Variants in RBFOX1 observed in about 807,000 individuals in gnomAD.
RBFOX1 encodes the protein RNA binding protein fox-1 homolog 1.
A neutral mutation model predicts 57.7 loss-of-function variants in RBFOX1; 8 were observed. The observed-to-expected ratio is 0.14, with a 90% CI of 0.08 to 0.25. The LOEUF (loss-of-function observed/expected upper bound fraction) is 0.25. RBFOX1 is among the 10% of genes least tolerant of loss of function. RBFOX1 has a pLI of 1.00. For missense variants in RBFOX1, 611 were observed against 548.5 expected, an observed-to-expected ratio of 1.11 and a Z score of -1.14; for synonymous variants, 326 against 222.4, an observed-to-expected ratio of 1.47 and a Z score of -4.15.
chr16:6,942,562 A>G (rs145957633), intron 3 of RBFOX1, among the ~76,000 whole-genome samples: 2,953 of 152,198 alleles, frequency 0.019, 68 homozygotes, highest in Non-Finnish European at 0.022. Flanking sequence ...CATCAAGAAG[A>G]CAAGAGTAGA....
intron 1 of RBFOX1, among the ~76,000 whole-genome samples, chr16:6,184,404 G>C (rs1259304363): frequency 2.6e-5 from 4 of 152,160 alleles, no homozygotes; most frequent in African/African-American, 9.7e-5. Flanking sequence ...ATGGGGGTGA[G>C]AAGTCGTGGT....
At chr16:7,002,995 T>G (rs1283772365) in intron 3 of RBFOX1, among the ~76,000 whole-genome samples, 1 of 151,532 alleles carries the variant, frequency 6.6e-6, no homozygotes. Flanking sequence ...TTCTCCAAAC[T>G]ATGAGTGGAT....
intron 14 of RBFOX1, among the ~76,000 whole-genome samples, chr16:7,698,436 G>A (rs927679213): frequency 6.6e-6 from 1 of 151,912 alleles, no homozygotes; most frequent in African/African-American, 2.4e-5. Flanking sequence ...TTCTCTGTGG[G>A]GCAGGTTGCT....
At chr16:7,269,097 C>G (rs567975143) in intron 4 of RBFOX1, among the ~76,000 whole-genome samples, 52 of 149,092 alleles carry the variant, frequency 3.5e-4, no homozygotes, top group Middle Eastern at 3.5e-3. Flanking sequence ...CACATTAACC[C>G]TCACAGCCCA....
chr16:7,267,372 T>TA (rs1407855040), intron 4 of RBFOX1, among the ~76,000 whole-genome samples: 1 of 151,176 alleles, frequency 6.6e-6, no homozygotes, highest in Admixed American at 6.6e-5. Context: ...CCGTCTCTAC[T>TA]AAAAATATAA....
intron 2 of RBFOX1, among the ~76,000 whole-genome samples, chr16:6,601,307 C>A (rs1169518664): frequency 6.6e-6 from 1 of 152,122 alleles, no homozygotes; most frequent in African/African-American, 2.4e-5. Flanking sequence ...AAGCTTCTTA[C>A]ACTCTCCCCT....
chr16:7,154,334 C>T (rs756139948), intron 4 of RBFOX1, among the ~76,000 whole-genome samples: 2 of 152,192 alleles, frequency 1.3e-5, no homozygotes, highest in African/African-American at 4.8e-5. Context: ...AATCACTCAT[C>T]CATCTCTGCC....
chr16:5,828,974 C>A (rs971564487), intron 3 of RBFOX1, among the ~76,000 whole-genome samples: 1 of 152,118 alleles, frequency 6.6e-6, no homozygotes. Context: ...CTCCGGGTCT[C>A]CCACAGGCTG....
At position 5,892,118 on chromosome 16, in the gene RBFOX1, G is replaced by C. The variant is rs111986392; in HGVS notation, c.351+24783G>C. Among the ~76,000 whole-genome samples the C allele has an allele frequency of 3.7e-4, 57 of 152,270 alleles. 1 individual carries two copies. Among genetic ancestry groups the C allele is most frequent in the Middle Eastern group, 3.4e-3 (1 of 294 alleles). ...TACGGCACTTATATTCTAGCAGGATGGATTACACAGGATGTTGAAAGTTAA... is the reference window on the plus strand; with the variant it reads ...TACGGCACTTATATTCTAGCAGGATCGATTACACAGGATGTTGAAAGTTAA... On this transcript the variant is annotated intron_variant, in intron 4 of 19. Transcript: ENST00000641259.
chr16:5,804,533 G>A (rs544458193), intron 3 of RBFOX1, among the ~76,000 whole-genome samples: 4 of 152,170 alleles, frequency 2.6e-5, no homozygotes, highest in African/African-American at 4.8e-5. Context: ...CAAATGAAAC[G>A]TTGAGTGCTG....
chr16:6,029,717 G>A (rs1339220116), intron 1 of RBFOX1, among the ~76,000 whole-genome samples: 2 of 147,848 alleles, frequency 1.4e-5, no homozygotes, highest in Non-Finnish European at 3.0e-5. Context: ...AGTTTGCAGT[G>A]AGCCGAGATC....
intron 5 of RBFOX1, among the ~76,000 whole-genome samples, chr16:7,568,031 C>T (rs1361239020): frequency 6.6e-6 from 1 of 151,882 alleles, no homozygotes; most frequent in Non-Finnish European, 1.5e-5. Context: ...ACTTAGTTGA[C>T]TCAATAATAT....
At chr16:6,686,517 TTCCA>T (rs766445831) in intron 3 of RBFOX1, among the ~76,000 whole-genome samples, 1 of 152,206 alleles carries the variant, frequency 6.6e-6, no homozygotes, top group Non-Finnish European at 1.5e-5. Context: ...ATTGGTGTTC[TTCCA>T]TCCATGAAAT....
intron 2 of RBFOX1, among the ~76,000 whole-genome samples, chr16:6,503,014 G>A (rs565739709): frequency 3.3e-5 from 5 of 152,142 alleles, no homozygotes. Context: ...TAGATAAATG[G>A]GGAAAAGGAT....
At chr16:6,991,914 A>G (rs184541426) in intron 3 of RBFOX1, among the ~76,000 whole-genome samples, 3 of 152,288 alleles carry the variant, frequency 2.0e-5, no homozygotes, top group African/African-American at 7.2e-5. Context: ...GATCCTACCC[A>G]CAGAGTTTCT....
chr16:6,279,277 T>A lies in RBFOX1; in HGVS notation c.-126-37718T>A, dbSNP rs13380699. ...TGTATCTGGCACCTAGCTAAGGAAA[T>A]GGCTGTTTTATCCTCATTAGAGCCA... is the stretch of plus-strand genomic sequence containing the variant. On this transcript the variant is annotated intron_variant, in intron 1 of 15. Transcript: ENST00000550418. 5.8e-3 allele frequency among the ~76,000 whole-genome samples: 883 copies of A among 152,308 alleles called. 7 individuals carry two copies. The highest frequency in any genetic ancestry group is 0.02 in the African/African-American group (844 of 41,566).
intron 1 of RBFOX1, among the ~76,000 whole-genome samples, chr16:6,034,428 G>C (rs2095336991): frequency 6.6e-6 from 1 of 150,378 alleles, no homozygotes; most frequent in Non-Finnish European, 1.5e-5. Context: ...GGAAGTCCAT[G>C]ATCAAGGTGT....
intron 4 of RBFOX1, among the ~76,000 whole-genome samples, chr16:7,193,108 C>T (rs1415904256): frequency 6.6e-6 from 1 of 152,314 alleles, no homozygotes; most frequent in African/African-American, 2.4e-5. Context: ...GTTAGGCTTG[C>T]TAATCGGTTG....
rs201372502 is a variant in RBFOX1 at position 7,265,958 on chromosome 16, GTTTT to G, written c.27+213862_27+213865del. Among the ~76,000 whole-genome samples the G allele has an allele frequency of 4.3e-4, 46 of 107,594 alleles. 2 individuals carry two copies. Among genetic ancestry groups the G allele is most frequent in the Admixed American group, 1.4e-3 (15 of 10,472 alleles). The allele number at this position is 107,594 out of a possible 152,430, so 70.6% of individuals were successfully genotyped here. On this transcript the variant is annotated intron_variant, in intron 4 of 15. Transcript: ENST00000550418. ...GTGAGTGAGTTATGAGATCTGGTGGGTTTTTGTTTTTTTTTTTTTTTTTTTTTTT... is the reference window on the plus strand; with the variant it reads ...GTGAGTGAGTTATGAGATCTGGTGGGTGTTTTTTTTTTTTTTTTTTTTTTT...
Sources: allele counts gnomAD v4.1 joint callset (sites outside exome capture counted in the v4.1 genomes callset), GRCh38; gene constraint gnomAD v4.1.1; transcripts MANE v1.5; gene names NCBI Gene and HGNC (gene_info 2026-07-23, HGNC 2026-07-21).